Variants in ULK4 observed in about 807,000 individuals in gnomAD.
ULK4 encodes inactive serine/threonine-protein kinase ULK4.
In ULK4, 133 loss-of-function variants were observed where a neutral mutation model predicts 160.6. The ratio of observed to expected loss-of-function variants is 0.83; its 90% confidence interval spans 0.72 to 0.96. The LOEUF is 0.96. ULK4 is among the 40% of genes least tolerant of loss of function. The pLI, the probability that ULK4 is intolerant of heterozygous loss-of-function variation, is 0.00. For missense variants in ULK4, 1,580 were observed against 1,499.5 expected (o/e 1.05, Z -0.89); for synonymous variants, 534 against 539.8 (o/e 0.99, Z 0.15).
chr3:41,888,429 C>A (rs1335210949), intron 16 of ULK4, among the ~76,000 whole-genome samples: 3 of 152,206 alleles, frequency 2.0e-5, no homozygotes, highest in African/African-American at 7.2e-5. Flanking sequence ...AGAGAACCAA[C>A]AAGGGAATCC....
At chr3:41,608,098 A>G (rs2032473141) in intron 31 of ULK4, among the ~76,000 whole-genome samples, 1 of 152,186 alleles carries the variant, frequency 6.6e-6, no homozygotes, top group Admixed American at 6.6e-5. Flanking sequence ...ACTTGCCCCT[A>G]TTGACTTTGT....
intron 21 of ULK4, among the ~76,000 whole-genome samples, chr3:41,765,399 G>A (rs796743825): frequency 4.2e-4 from 64 of 152,148 alleles, no homozygotes; most frequent in African/African-American, 1.5e-3. Flanking sequence ...CACACACCGG[G>A]GCCTGTCATG....
intron 5 of ULK4, among the ~76,000 whole-genome samples, 199 bp from the exon 6 acceptor site, chr3:41,920,017 A>G (rs1043823528): frequency 6.6e-6 from 1 of 152,134 alleles, no homozygotes; most frequent in Admixed American, 6.5e-5. Flanking sequence ...TGAATATAAA[A>G]AAGTGTTTAA....
chr3:41,437,679 C>T (rs2083067096), intron 34 of ULK4, among the ~76,000 whole-genome samples: 1 of 152,146 alleles, frequency 6.6e-6, no homozygotes, highest in Admixed American at 6.5e-5. Flanking sequence ...ACTCACACCC[C>T]AAATTAAAAT....
At chr3:41,353,629 C>T (rs1321281475) in intron 35 of ULK4, among the ~76,000 whole-genome samples, 4 of 151,752 alleles carry the variant, frequency 2.6e-5, no homozygotes. Flanking sequence ...GATTATGCCA[C>T]TGCACTCCAG....
At chr3:41,882,077 C>G (rs1462452572) in intron 17 of ULK4, 1 of 642,182 alleles carries the variant, frequency 1.6e-6, no homozygotes, top group Admixed American at 2.3e-5. Context: ...CACATGCCCT[C>G]TGCCCAGCCC....
chr3:41,397,142 T>C (rs2082079456), intron 35 of ULK4, among the ~76,000 whole-genome samples: 1 of 152,096 alleles, frequency 6.6e-6, no homozygotes, highest in African/African-American at 2.4e-5. Flanking sequence ...AGAACCCCCA[T>C]CCTTTATTAA....
intron 30 of ULK4, among the ~76,000 whole-genome samples, chr3:41,659,742 A>G (rs1366329400): frequency 2.0e-5 from 3 of 152,184 alleles, no homozygotes; most frequent in Non-Finnish European, 1.5e-5. Flanking sequence ...ATCCTATAAG[A>G]TATACATTCA....
intron 21 of ULK4, among the ~76,000 whole-genome samples, chr3:41,779,985 T>TAAAA (rs777587812): frequency 0.019 from 1,120 of 59,268 alleles, 40 homozygotes; most frequent in African/African-American, 0.047. Context: ...TAGAGTATAA[T>TAAAA]AAAAAAAAAA....
chr3:41,933,860 G>A (rs1699675413), intron 4 of ULK4, among the ~76,000 whole-genome samples: 1 of 152,060 alleles, frequency 6.6e-6, no homozygotes, highest in Non-Finnish European at 1.5e-5. Flanking sequence ...GACCAGCCTG[G>A]CCAACACGGT....
At chr3:41,370,887 T>C (rs2081350966) in intron 35 of ULK4, among the ~76,000 whole-genome samples, 2 of 152,174 alleles carry the variant, frequency 1.3e-5, no homozygotes, top group Admixed American at 6.5e-5. Context: ...CAAGCTAAGA[T>C]CCACTGGCTT....
At chr3:41,863,577 A>C (rs536092859) in intron 17 of ULK4, among the ~76,000 whole-genome samples, 2 of 152,172 alleles carry the variant, frequency 1.3e-5, no homozygotes, top group South Asian at 4.2e-4. Flanking sequence ...AGCAAGTCTT[A>C]GAGACTCACC....
intron 35 of ULK4, among the ~76,000 whole-genome samples, chr3:41,272,583 ATTT>A (rs200983925): frequency 6.9e-6 from 1 of 144,024 alleles, no homozygotes; most frequent in Non-Finnish European, 1.5e-5. Flanking sequence ...ACCTTGGTGT[ATTT>A]TTTTTTTTTA....
At chr3:41,429,794 T>C (rs187125506) in intron 34 of ULK4, among the ~76,000 whole-genome samples, 124 of 152,138 alleles carry the variant, frequency 8.2e-4, no homozygotes, top group African/African-American at 2.8e-3. Context: ...TAATGCATGC[T>C]GGCTGGGCTT....
At chr3:41,763,372 T>C (rs1447332508) in intron 21 of ULK4, among the ~76,000 whole-genome samples, 1 of 152,170 alleles carries the variant, frequency 6.6e-6, no homozygotes, top group Non-Finnish European at 1.5e-5. Flanking sequence ...ATCAAAATCC[T>C]GGCTCTTTGA....
chr3:41,689,971 G>T, intron 27 of ULK4, among the ~76,000 whole-genome samples: 1 of 148,010 alleles, frequency 6.8e-6, no homozygotes, highest in African/African-American at 2.6e-5. Context: ...AAATCATGCT[G>T]CTATAAAGAC....
intron 17 of ULK4, among the ~76,000 whole-genome samples, chr3:41,877,342 G>GTTTTTTT (rs71075490): frequency 1.3e-5 from 2 of 150,380 alleles, no homozygotes; most frequent in Non-Finnish European, 1.5e-5. Flanking sequence ...GGCCAAGAGT[G>GTTTTTTT]TTTTTTTTTG....
intron 30 of ULK4, among the ~76,000 whole-genome samples, chr3:41,645,539 G>T (rs909240533): frequency 1.3e-5 from 2 of 152,116 alleles, no homozygotes; most frequent in African/African-American, 4.8e-5. Context: ...TAGTTTGATT[G>T]CACTGTGGTC....
intron 21 of ULK4, among the ~76,000 whole-genome samples, chr3:41,776,306 T>C (rs936818313): frequency 2.7e-5 from 4 of 150,886 alleles, no homozygotes; most frequent in Non-Finnish European, 4.4e-5. Context: ...TATTAGGCTA[T>C]TTTTCATATC....
Sources: allele counts gnomAD v4.1 joint callset (sites outside exome capture counted in the v4.1 genomes callset), GRCh38; gene constraint gnomAD v4.1.1; transcripts MANE v1.5; gene names NCBI Gene and HGNC (gene_info 2026-07-23, HGNC 2026-07-21).